TMTC2: variants seen among roughly 807,000 people sequenced by gnomAD.
TMTC2 encodes transmembrane O-mannosyltransferase targeting cadherins 2.
Under a neutral mutation model 82.4 loss-of-function variants are expected in TMTC2, and 43 were observed. That is an observed-to-expected ratio of 0.52 (90% CI 0.41 to 0.67). The LOEUF (loss-of-function observed/expected upper bound fraction) is 0.67, where lower values mean the gene tolerates loss of function less well. Ranked by LOEUF, TMTC2 falls within the 30% of genes least tolerant of loss-of-function variation. The probability of loss-of-function intolerance (pLI) is 0.00; values close to 1 mark genes in which losing one functional copy is unlikely to be tolerated. For synonymous variants in TMTC2, 408 were observed against 381.9 expected (o/e 1.07, Z -0.80); for missense variants, 919 against 1,012.4 (o/e 0.91, Z 1.25).
intron 1 of TMTC2, among the ~76,000 whole-genome samples, chr12:82,723,593 G>A (rs1268815157): frequency 6.6e-6 from 1 of 152,096 alleles, no homozygotes; most frequent in African/African-American, 2.4e-5. Context: ...TTTCTCTTGG[G>A]AATGCTGAAT....
At chr12:83,040,590 A>G (rs1180558530) in intron 9 of TMTC2, among the ~76,000 whole-genome samples, 7 of 101,148 alleles carry the variant, frequency 6.9e-5, no homozygotes, top group Non-Finnish European at 1.4e-4. Context: ...TCAAGACAAT[A>G]ACCAGAGTGG....
At chr12:82,796,994 A>G (rs986055399) in intron 1 of TMTC2, among the ~76,000 whole-genome samples, 1 of 152,132 alleles carries the variant, frequency 6.6e-6, no homozygotes, top group Non-Finnish European at 1.5e-5. Context: ...ATTATTTAAG[A>G]TATGTTTGTA....
At chr12:83,106,352 G>A (rs1190866598) in intron 11 of TMTC2, among the ~76,000 whole-genome samples, 1 of 151,672 alleles carries the variant, frequency 6.6e-6, no homozygotes, top group Non-Finnish European at 1.5e-5. Context: ...ATACAAAATT[G>A]GCTGGGCGTG....
At chr12:82,981,739 GTCT>G (rs1444665914) in intron 7 of TMTC2, among the ~76,000 whole-genome samples, 1 of 151,744 alleles carries the variant, frequency 6.6e-6, no homozygotes, top group African/African-American at 2.4e-5. Context: ...CCGACCAAGT[GTCT>G]TCGTTTCCTT....
chr12:83,068,553 T>C (rs1337216063), intron 11 of TMTC2, among the ~76,000 whole-genome samples: 1 of 152,098 alleles, frequency 6.6e-6, no homozygotes, highest in Non-Finnish European at 1.5e-5. Flanking sequence ...GAATACTACA[T>C]ACCATATGTC....
At position 83,132,219 on chromosome 12, in the gene TMTC2, G is replaced by A; in HGVS notation, c.2341G>A (p.Ala781Thr). 6.2e-7 allele frequency: 1 copy of A among 1,607,472 alleles called. No individual in the cohort carries two copies. The highest frequency in any genetic ancestry group is 8.5e-7 in the Non-Finnish European group (1 of 1,177,698). Reference protein sequence around the residue: ...AARLRPNYPAALMNLGAILHL... With the variant: ...AARLRPNYPATLMNLGAILHL... ...CTTTCTCTTGTTGCAGTATCCGGCT[G>A]CTTTGATGAACCTGGGAGCCATTCT... The change falls in exon 12 of 12, where the codon GCT (alanine) becomes ACT (threonine). Residue 781 changes from alanine (A) to threonine (T), a missense_variant. Transcript: ENST00000321196.
intron 2 of TMTC2, among the ~76,000 whole-genome samples, chr12:82,860,918 C>T (rs1438726920): frequency 1.3e-5 from 2 of 152,190 alleles, no homozygotes; most frequent in Admixed American, 1.3e-4. Context: ...ATTCCATATT[C>T]TGTCTGTAAA....
At chr12:82,812,997 GT>G (rs1273954772) in intron 1 of TMTC2, among the ~76,000 whole-genome samples, 1 of 151,960 alleles carries the variant, frequency 6.6e-6, no homozygotes, top group Non-Finnish European at 1.5e-5. Flanking sequence ...TTACCATTCA[GT>G]GACAAATTTT....
At chr12:83,005,647 G>A (rs1880167604) in intron 8 of TMTC2, among the ~76,000 whole-genome samples, 1 of 152,200 alleles carries the variant, frequency 6.6e-6, no homozygotes, top group South Asian at 2.1e-4. Flanking sequence ...TGGGCCAGCA[G>A]CCTTGTCCTC....
chr12:82,801,454 G>T (rs1392648229), intron 1 of TMTC2, among the ~76,000 whole-genome samples: 1 of 152,134 alleles, frequency 6.6e-6, no homozygotes, highest in African/African-American at 2.4e-5. Context: ...CTGCAGGCTT[G>T]GGCAGCCTGC....
At chr12:83,039,877 A>G (rs958500549) in intron 9 of TMTC2, among the ~76,000 whole-genome samples, 7 of 152,236 alleles carry the variant, frequency 4.6e-5, no homozygotes, top group African/African-American at 1.4e-4. Context: ...TAGGATTGCA[A>G]AATGCTTCAC....
chr12:82,987,918 T>G (rs997294954), intron 8 of TMTC2, among the ~76,000 whole-genome samples: 3 of 152,152 alleles, frequency 2.0e-5, no homozygotes, highest in African/African-American at 7.2e-5. Context: ...TGTCCTTTCT[T>G]TACCAAGCTT....
At chr12:83,043,900 T>C (rs902749997) in intron 9 of TMTC2, among the ~76,000 whole-genome samples, 1 of 152,234 alleles carries the variant, frequency 6.6e-6, no homozygotes, top group African/African-American at 2.4e-5. Flanking sequence ...TAGGTATTAG[T>C]AGACAAATTG....
At chr12:82,752,862 C>G (rs1476634297) in intron 1 of TMTC2, among the ~76,000 whole-genome samples, 1 of 152,172 alleles carries the variant, frequency 6.6e-6, no homozygotes, top group Admixed American at 6.5e-5. Context: ...CTGTTTATCC[C>G]TGCTCAGCTG....
chr12:82,781,581 C>G (rs1047478190), intron 1 of TMTC2, among the ~76,000 whole-genome samples: 2 of 151,572 alleles, frequency 1.3e-5, no homozygotes, highest in South Asian at 4.2e-4. Context: ...TCTTAGCTGC[C>G]TTTTATTTGT....
chr12:83,044,868 C>T (rs1374532481), intron 9 of TMTC2, among the ~76,000 whole-genome samples: 1 of 152,140 alleles, frequency 6.6e-6, no homozygotes, highest in Non-Finnish European at 1.5e-5. Context: ...GTAAAAAATG[C>T]CAGTCACAAT....
intron 1 of TMTC2, among the ~76,000 whole-genome samples, chr12:82,781,432 A>T (rs537185469): frequency 6.7e-5 from 10 of 149,610 alleles, no homozygotes; most frequent in African/African-American, 2.5e-4. Flanking sequence ...GCAGAAAAAA[A>T]ATCTACAAGT....
intron 1 of TMTC2, among the ~76,000 whole-genome samples, chr12:82,799,112 A>AT (rs1878871828): frequency 6.6e-6 from 1 of 152,154 alleles, no homozygotes; most frequent in Non-Finnish European, 1.5e-5. Flanking sequence ...CTACCAGGGA[A>AT]TTATCTGTAG....
intron 1 of TMTC2, among the ~76,000 whole-genome samples, chr12:82,854,032 G>T (rs997861533): frequency 6.6e-6 from 1 of 151,486 alleles, no homozygotes; most frequent in African/African-American, 2.4e-5. Flanking sequence ...GTCATAGCAG[G>T]GTGTTTTAAT....
Sources: allele counts gnomAD v4.1 joint callset (sites outside exome capture counted in the v4.1 genomes callset), GRCh38; gene constraint gnomAD v4.1.1; transcripts MANE v1.5; gene names NCBI Gene and HGNC (gene_info 2026-07-23, HGNC 2026-07-21).